Variants in ATP13A4 observed in about 807,000 individuals in gnomAD.
ATP13A4 encodes probable cation-transporting ATPase 13A4.
ATP13A4 carries 114 observed loss-of-function variants against 142.5 expected under a neutral mutation model. That is an observed-to-expected ratio of 0.80 (90% confidence interval 0.69 to 0.93). The LOEUF (loss-of-function observed/expected upper bound fraction) is 0.93, where lower values mean the gene tolerates loss of function less well. ATP13A4 is among the 40% of genes least tolerant of loss of function. ATP13A4 has a pLI of 0.00. For synonymous variants in ATP13A4, 488 were observed against 514.8 expected (o/e 0.95, Z 0.70); for missense variants, 1,392 against 1,454.0 (o/e 0.96, Z 0.69).
chr3:193,502,689 G>T (rs778848887), intron 2 of ATP13A4, 50 bp from the exon 3 acceptor site: 14 of 1,546,780 alleles, frequency 9.1e-6, no homozygotes, highest in Non-Finnish European at 1.8e-6. Context: ...AGGTCAGCAG[G>T]CTACAATTCA....
chr3:193,579,305 C>A, intron 2 of ATP13A4: 1 of 193,594 alleles, frequency 5.2e-6, no homozygotes, highest in South Asian at 1.1e-4. Context: ...TTCAGTGGTT[C>A]TTTCTTGATG....
chr3:193,404,276 G>C (rs76044479), intron 29 of ATP13A4: 7,709 of 414,752 alleles, frequency 0.019, 89 homozygotes, highest in African/African-American at 0.049. Flanking sequence ...CACACACACA[G>C]AGAGAGAAAC....
intron 1 of ATP13A4, among the ~76,000 whole-genome samples, chr3:193,528,606 T>G (rs1722140498): frequency 1.3e-5 from 2 of 152,190 alleles, no homozygotes; most frequent in South Asian, 4.1e-4. Context: ...TGGGATGCCA[T>G]ACCCAGCTGA....
rs778874179 is a variant in ATP13A4, at chr3:193,441,586, G to A, written c.2319C>T (p.Asp773=). ...CTTCATCCCTGATGTTAATGTAATT[G>A]TCCTACAAAGCAAGACACAGTTATT... ...EKKHIMYGNQ[D]NYINIRDEVS... Residue 773 remains aspartate (D), a splice_region_variant and synonymous_variant, in exon 20 of 30, where the codon GAC becomes GAT. Coordinates refer to ENST00000342695, the MANE Select transcript of ATP13A4 (RefSeq NM_032279.4). The A allele has an allele frequency of 2.5e-6, 4 of 1,613,030 alleles. No individual in the cohort carries two copies. Among genetic ancestry groups the A allele is most frequent in the Non-Finnish European group, 2.5e-6 (3 of 1,179,348 alleles).
upstream of ATP13A4, among the ~76,000 whole-genome samples, chr3:193,558,320 C>G (rs1723947201): frequency 6.6e-6 from 1 of 152,196 alleles, no homozygotes; most frequent in East Asian, 1.9e-4. Context: ...ATTCTATACT[C>G]TACGTGCCTC....
Position 193,493,155 on chromosome 3 carries a change from T to A in ATP13A4, c.387A>T (p.Arg129Ser). 1 of 1,612,524 alleles carries A rather than the reference T, an allele frequency of 6.2e-7. No individual in the cohort carries two copies. Among genetic ancestry groups the A allele is most frequent in the Non-Finnish European group, 8.5e-7 (1 of 1,179,480 alleles). The change falls in exon 4 of 30, where the codon AGA becomes AGT. Residue 129 changes from arginine to serine, a missense_variant. Physicochemically the swap from Arg to Ser is moderately radical, Grantham distance 110. Transcript: ENST00000342695. ...ATCTTATTTTCTGCACTTTGATGCA[T>A]CTCACCTGCAAAAGAAAAGTACTAA... ...RAIRKPDLKV[R>S]CIKVQKIRYV... is the part of the protein sequence containing the mutation.
intron 2 of ATP13A4, among the ~76,000 whole-genome samples, chr3:193,581,494 A>T (rs931081821): frequency 9.9e-5 from 15 of 152,184 alleles, no homozygotes; most frequent in African/African-American, 3.6e-4. Flanking sequence ...CGTTTCCACC[A>T]TACAAATGCA....
intron 2 of ATP13A4, among the ~76,000 whole-genome samples, chr3:193,509,909 A>G (rs1721053189): frequency 6.6e-6 from 1 of 152,244 alleles, no homozygotes; most frequent in East Asian, 1.9e-4. Flanking sequence ...TGTTTTGCTC[A>G]TAGTTATATT....
chr3:193,493,069 G>C, intron 4 of ATP13A4, 21 bp downstream of exon 4: 1 of 1,610,388 alleles, frequency 6.2e-7, no homozygotes, highest in Non-Finnish European at 8.5e-7. Flanking sequence ...TTCTTTGGCT[G>C]TACTTGCTAA....
chr3:193,543,206 A>G (rs1178328539), intron 1 of ATP13A4, among the ~76,000 whole-genome samples: 1 of 151,810 alleles, frequency 6.6e-6, no homozygotes, highest in Non-Finnish European at 1.5e-5. Flanking sequence ...AGGCAATACC[A>G]TTAAAAACAT....
chr3:193,549,224 T>C (rs1723400021), intron 1 of ATP13A4, among the ~76,000 whole-genome samples: 1 of 151,906 alleles, frequency 6.6e-6, no homozygotes, highest in South Asian at 2.1e-4. Context: ...GAGGCAGTAA[T>C]AATAATTCTA....
intron 18 of ATP13A4, among the ~76,000 whole-genome samples, chr3:193,444,887 AGCGCTCATAGGCTTCCTCCAT>A (rs1311905563): frequency 6.6e-6 from 1 of 152,200 alleles, no homozygotes; most frequent in African/African-American, 2.4e-5. Flanking sequence ...GGGAGCCCTG[AGCGCTCATAGGCTTCCTCCAT>A]GCTCCACAGC....
At chr3:193,454,532 A>G (rs1717473889) in intron 16 of ATP13A4, among the ~76,000 whole-genome samples, 1 of 151,862 alleles carries the variant, frequency 6.6e-6, no homozygotes, top group Non-Finnish European at 1.5e-5. Flanking sequence ...TGCAGAGAAT[A>G]AATCACAAGC....
At chr3:193,429,245 G>A (rs1715840900) in intron 25 of ATP13A4, among the ~76,000 whole-genome samples, 1 of 151,964 alleles carries the variant, frequency 6.6e-6, no homozygotes, top group Admixed American at 6.6e-5. Flanking sequence ...AAAATAGTTC[G>A]GTGGTTCCTT....
chr3:193,464,964 C>T lies in ATP13A4; in HGVS notation c.1437G>A (p.Gln479=). 2 of 1,614,120 alleles carry T rather than the reference C, an allele frequency of 1.2e-6. No individual in the cohort carries two copies. Among genetic ancestry groups the T allele is most frequent in the Non-Finnish European group, 1.7e-6 (2 of 1,180,010 alleles). ...CCTTGTCAAAGCAGACAAGGTTTAA[C>T]TGTCCACATACGTTGATCCTCTGGG... The part of the protein sequence containing the change: ...ISPQRINVCG[Q]LNLVCFDKTG... Residue 479 remains glutamine (Q), a synonymous_variant, in exon 12 of 30, where the codon CAG becomes CAA. Transcript: ENST00000342695.
In ATP13A4 at chr3:193,548,342, G is replaced by C. The variant is rs74896970; in HGVS notation, c.60+6398C>G. Among the ~76,000 whole-genome samples, 826 of 152,294 alleles carry C rather than the reference G, an allele frequency of 5.4e-3. 14 individuals carry two copies. The East Asian group carries it at 0.069, about 13-fold the overall frequency. On this transcript the variant is annotated intron_variant, in intron 1 of 29. Coordinates refer to ENST00000342695, the MANE Select transcript of ATP13A4 (RefSeq NM_032279.4). ...ACTGTGTTAAATTCTGGGTGTAATG[G>C]GAAGGGGAAGGGATAAGCCAAGAAA...
chr3:193,482,831 T>G (rs898124412), intron 8 of ATP13A4, among the ~76,000 whole-genome samples: 4 of 152,212 alleles, frequency 2.6e-5, no homozygotes, highest in African/African-American at 9.7e-5. Flanking sequence ...GACCAAAGAT[T>G]GGCAGTTTCT....
At chr3:193,560,991 A>G (rs919711433) in intron 2 of ATP13A4, among the ~76,000 whole-genome samples, 9 of 152,210 alleles carry the variant, frequency 5.9e-5, no homozygotes, top group Non-Finnish European at 5.9e-5. Context: ...CTAAGCTCCA[A>G]TCAGAAACCT....
chr3:193,485,126 G>A (rs1198797571), intron 7 of ATP13A4, among the ~76,000 whole-genome samples: 1 of 151,634 alleles, frequency 6.6e-6, no homozygotes, highest in East Asian at 1.9e-4. Context: ...AAGGCAGAAA[G>A]CAAGGGAAAT....
Sources: gnomAD v4.1 joint callset for allele counts (sites outside exome capture counted in the v4.1 genomes callset) on GRCh38, gnomAD v4.1.1 for gene constraint, MANE v1.5 for transcripts, NCBI Gene and HGNC (gene_info 2026-07-23, HGNC 2026-07-21) for gene names.